Variants in KCNJ2 observed in about 807,000 individuals in gnomAD.
KCNJ2 encodes potassium inwardly rectifying channel subfamily J member 2, also known as inward rectifier potassium channel 2.
In KCNJ2, 12 loss-of-function variants were observed where a neutral mutation model predicts 28.4. The ratio of observed to expected loss-of-function variants is 0.42; its 90% confidence interval spans 0.27 to 0.68. The LOEUF is 0.68. Ranked by LOEUF, KCNJ2 falls within the 30% of genes least tolerant of loss-of-function variation. The probability of loss-of-function intolerance (pLI) is 0.23; values close to 1 mark genes in which losing one functional copy is unlikely to be tolerated. For synonymous variants in KCNJ2, 200 were observed against 203.2 expected (o/e 0.98, Z 0.13); for missense variants, 320 against 551.3 (o/e 0.58, Z 4.20).
chr17:70,170,670 A>G (rs1384833481), intron 1 of KCNJ2, among the ~76,000 whole-genome samples: 1 of 152,242 alleles, frequency 6.6e-6, no homozygotes, highest in Non-Finnish European at 1.5e-5. Context: ...AATAATCAAT[A>G]GGCTGCCAGA....
Position 70,176,811 on chromosome 17 carries a change from C to T in KCNJ2, c.*488C>T, listed in dbSNP as rs767328971. 4.4e-5 allele frequency: 8 copies of T among 183,224 alleles called. No individual in the cohort carries two copies. The highest frequency in any genetic ancestry group is 6.5e-5 in the Non-Finnish European group (5 of 77,146). The allele number at this position is 183,224 out of a possible 1,614,324, so 11.3% of individuals were successfully genotyped here. A position where few individuals can be genotyped will look rare whatever the true frequency, so the allele number is the denominator to read the frequency against. On this transcript the variant is annotated 3_prime_UTR_variant, in exon 2 of 2. Coordinates refer to ENST00000243457, the MANE Select transcript of KCNJ2 (RefSeq NM_000891.3). Reference sequence around the variant, plus strand: ...TGAATTTTATTGAAAGCTCATGATGCGCTTCAAAGTGGCAAGTATTTGGCT... The same window carrying T: ...TGAATTTTATTGAAAGCTCATGATGTGCTTCAAAGTGGCAAGTATTTGGCT...
rs35656864 is a variant in KCNJ2 at position 70,179,064 on chromosome 17, ATTTTTTTTTTTTTTTTTTT to A, written c.*2757_*2775del. On this transcript the variant is annotated 3_prime_UTR_variant, in exon 2 of 2. Coordinates refer to ENST00000243457, the MANE Select transcript of KCNJ2 (RefSeq NM_000891.3). ...TAACAGTTACAAGCTTTAAATGGCA[ATTTTTTTTTTTTTTTTTTT>A]TTTTTTTTTTTTTTTGTCAAGAGCC... 3.3e-4 allele frequency: 22 copies of A among 67,288 alleles called. No individual in the cohort carries two copies. The highest frequency in any genetic ancestry group is 1.2e-3 in the Admixed American group (4 of 3,438). 4.2% of individuals were successfully genotyped at this position (67,288 alleles called of 1,614,324 possible). A position where few individuals can be genotyped will look rare whatever the true frequency, so the allele number is the denominator to read the frequency against.
chr17:70,176,027 C>T lies in KCNJ2; in HGVS notation c.988C>T (p.Leu330Phe), dbSNP rs768884407. The change falls in exon 2 of 2, where the codon CTC becomes TTC. Residue 330 changes from leucine to phenylalanine, a missense_variant. Physicochemically the swap from Leu to Phe is conservative, Grantham distance 22 (BLOSUM62 0). Transcript: ENST00000243457. ...ILWGHRYEPVLFEEKHYYKVD... is the reference protein window; with the variant it reads ...ILWGHRYEPVFFEEKHYYKVD... ...GTGGGGCCACCGCTATGAGCCTGTG[C>T]TCTTTGAAGAGAAGCACTACTACAA... The T allele has an allele frequency of 6.2e-7, 1 of 1,614,126 alleles. No homozygotes were observed. The highest frequency in any genetic ancestry group is 8.5e-7 in the Non-Finnish European group (1 of 1,180,014).
Position 70,177,574 on chromosome 17 carries a change from C to G in KCNJ2, c.*1251C>G, listed in dbSNP as rs9894661. On this transcript the variant is annotated 3_prime_UTR_variant, in exon 2 of 2. Transcript: ENST00000243457. ...CCCACCTTCACCTTAGGGAAGATGC[C>G]ACACCTGGCCTCCACACTTGCTCTT... 6.0e-6 allele frequency: 1 copy of G among 167,248 alleles called. No homozygotes were observed. Among genetic ancestry groups the G allele is most frequent in the African/African-American group, 2.4e-5 (1 of 41,542 alleles). The allele number at this position is 167,248 out of a possible 1,614,324, so 10.4% of individuals were successfully genotyped here.
At chr17:70,173,710 C>T (rs754722914) in intron 1 of KCNJ2, among the ~76,000 whole-genome samples, 1 of 152,136 alleles carries the variant, frequency 6.6e-6, no homozygotes, top group African/African-American at 2.4e-5. Context: ...CAAATAACAG[C>T]GCTGGAAGTG....
rs983737381 is a variant in KCNJ2 at position 70,177,039 on chromosome 17, C to A, written c.*716C>A. On this transcript the variant is annotated 3_prime_UTR_variant, in exon 2 of 2. Coordinates refer to ENST00000243457, the MANE Select transcript of KCNJ2 (RefSeq NM_000891.3). ...TAAGTTAAACTACCTAAAATAAATA[C>A]CAAAGATAATGCATATTTTTGCACA... 6.0e-6 allele frequency: 1 copy of A among 167,108 alleles called. No homozygotes were observed. Among genetic ancestry groups the A allele is most frequent in the Non-Finnish European group, 1.5e-5 (1 of 68,272 alleles). The allele number at this position is 167,108 out of a possible 1,614,324, so 10.4% of individuals were successfully genotyped here.
At position 70,174,912 on chromosome 17, in the gene KCNJ2, C is replaced by T. The variant is rs1356093350; in HGVS notation, c.-128C>T. 6 of 877,492 alleles carry T rather than the reference C, an allele frequency of 6.8e-6. No homozygotes were observed. The highest frequency in any genetic ancestry group is 1.1e-5 in the Non-Finnish European group (6 of 541,382). 54.4% of individuals were successfully genotyped at this position (877,492 alleles called of 1,614,324 possible). A position where few individuals can be genotyped will look rare whatever the true frequency, so the allele number is the denominator to read the frequency against. On this transcript the variant is annotated 5_prime_UTR_variant, in exon 2 of 2. Coordinates refer to ENST00000243457, the MANE Select transcript of KCNJ2 (RefSeq NM_000891.3). Reference sequence around the variant, plus strand: ...GGTAGAACCACAAGGCTCCCAGAGACACCCATCTCTCCTCATTTTTTTGGT... The same window carrying T: ...GGTAGAACCACAAGGCTCCCAGAGATACCCATCTCTCCTCATTTTTTTGGT...
Position 70,175,053 on chromosome 17 carries a change from G to A in KCNJ2, c.14G>A (p.Arg5Gln), listed in dbSNP as rs764311511. ...CCAGCAGAAGCGATGGGCAGTGTGC[G>A]AACCAACCGCTACAGCATCGTCTCT... MGSV[R>Q]TNRYSIVSSE... Residue 5 changes from arginine to glutamine, a missense_variant, in exon 2 of 2, where the codon CGA becomes CAA. Arg to Gln is a conservative substitution (Grantham distance 43). Coordinates refer to ENST00000243457, the MANE Select transcript of KCNJ2 (RefSeq NM_000891.3). This position sits in a 1 kb window ranked among gnomAD's most constrained non-coding sequence, Gnocchi z 8.3. 2 of 1,614,072 alleles carry A rather than the reference G, an allele frequency of 1.2e-6. No homozygotes were observed. Among genetic ancestry groups the A allele is most frequent in the Non-Finnish European group, 1.7e-6 (2 of 1,180,000 alleles).
intron 1 of KCNJ2, among the ~76,000 whole-genome samples, chr17:70,170,226 CAAAG>C (rs2074357973): frequency 6.6e-6 from 1 of 151,224 alleles, no homozygotes; most frequent in Non-Finnish European, 1.5e-5. Flanking sequence ...GTGAGTGTCT[CAAAG>C]TTGCCTTCCT....
chr17:70,179,776 G>GA lies in KCNJ2; in HGVS notation c.*3463dup, dbSNP rs3841509. 74 of 161,886 alleles carry GA rather than the reference G, an allele frequency of 4.6e-4. No homozygotes were observed. The highest frequency in any genetic ancestry group is 7.4e-4 in the Admixed American group (11 of 14,888). The allele number at this position is 161,886 out of a possible 1,614,324, so 10.0% of individuals were successfully genotyped here. A position where few individuals can be genotyped will look rare whatever the true frequency, so the allele number is the denominator to read the frequency against. ...TCTGTGTCTAATAATGTTAAGGTGG[G>GA]AAAAAAAAAAGTGTGGCATAGCTAC... On this transcript the variant is annotated 3_prime_UTR_variant, in exon 2 of 2. Transcript: ENST00000243457.
rs1320510274 is a variant in KCNJ2, at chr17:70,176,064, C to G, written c.1025C>G (p.Ser342Cys). 1.9e-6 allele frequency: 3 copies of G among 1,613,998 alleles called. No individual in the cohort carries two copies. The highest frequency in any genetic ancestry group is 2.5e-6 in the Non-Finnish European group (3 of 1,180,030). Residue 342 changes from serine to cysteine, a missense_variant, in exon 2 of 2, where the codon TCC becomes TGC. Physicochemically the swap from Ser to Cys is moderately radical, Grantham distance 112. Coordinates refer to ENST00000243457, the MANE Select transcript of KCNJ2 (RefSeq NM_000891.3). Reference protein sequence around the residue: ...EEKHYYKVDYSRFHKTYEVPN... With the variant: ...EEKHYYKVDYCRFHKTYEVPN... Reference sequence around the variant, plus strand: ...AAGCACTACTACAAAGTGGACTATTCCAGGTTCCACAAAACTTACGAAGTC... The same window carrying G: ...AAGCACTACTACAAAGTGGACTATTGCAGGTTCCACAAAACTTACGAAGTC...
intron 1 of KCNJ2, among the ~76,000 whole-genome samples, chr17:70,171,949 T>C (rs937848991): frequency 2.6e-5 from 4 of 152,174 alleles, no homozygotes; most frequent in Non-Finnish European, 5.9e-5. Context: ...CTACTCCTCA[T>C]TGATTGCATC....
chr17:70,176,334 C>A lies in KCNJ2; in HGVS notation c.*11C>A. ...GAGTCGGAGATATGACTGACTGATT[C>A]CTTCTCTGGAATAGTTACTTTACAA... On this transcript the variant is annotated 3_prime_UTR_variant, in exon 2 of 2. Transcript: ENST00000243457. 2 of 1,611,582 alleles carry A rather than the reference C, an allele frequency of 1.2e-6. No homozygotes were observed. The highest frequency in any genetic ancestry group is 1.1e-5 in the South Asian group (1 of 91,032).
In KCNJ2 at chr17:70,175,653, A is replaced by G. The variant is rs1378737445; in HGVS notation, c.614A>G (p.Asp205Gly). The G allele has an allele frequency of 6.2e-7, 1 of 1,614,056 alleles. No homozygotes were observed. Among genetic ancestry groups the G allele is most frequent in the Non-Finnish European group, 8.5e-7 (1 of 1,180,030 alleles). Residue 205 changes from aspartate to glycine, a missense_variant, in exon 2 of 2, where the codon GAC becomes GGC. Around this residue, in one of 3 missense-constraint regions of KCNJ2, gnomAD observed 111 missense variants for 256.7 expected, o/e 0.43. Coordinates refer to ENST00000243457, the MANE Select transcript of KCNJ2 (RefSeq NM_000891.3). The surrounding 1 kb of genome is among the most constrained non-coding windows in gnomAD (Gnocchi z 8.3). Reference protein sequence around the residue: ...FSHNAVIAMRDGKLCLMWRVG... With the variant: ...FSHNAVIAMRGGKLCLMWRVG... Reference sequence around the variant, plus strand: ...CACAATGCCGTGATTGCCATGAGAGACGGCAAGCTGTGTTTGATGTGGCGA... The same window carrying G: ...CACAATGCCGTGATTGCCATGAGAGGCGGCAAGCTGTGTTTGATGTGGCGA...
rs975038410 is a variant in KCNJ2, at chr17:70,178,299, A to T, written c.*1976A>T. The T allele has an allele frequency of 1.8e-5, 3 of 167,010 alleles. No homozygotes were observed. Among genetic ancestry groups the T allele is most frequent in the African/African-American group, 7.2e-5 (3 of 41,404 alleles). 10.3% of individuals were successfully genotyped at this position (167,010 alleles called of 1,614,324 possible). On this transcript the variant is annotated 3_prime_UTR_variant, in exon 2 of 2. Transcript: ENST00000243457. ...TCAGATTTGATGGCTTGGGAAACTG[A>T]GGTGTTATTTTCAATGAAACAAAGA...
intron 1 of KCNJ2, among the ~76,000 whole-genome samples, chr17:70,173,343 G>A (rs1235086235): frequency 6.6e-6 from 1 of 152,164 alleles, no homozygotes; most frequent in African/African-American, 2.4e-5. Context: ...GAAGGAAAAA[G>A]TGGAGTCTTC....
intron 1 of KCNJ2, among the ~76,000 whole-genome samples, chr17:70,173,827 G>A (rs1410877905): frequency 6.6e-6 from 1 of 152,112 alleles, no homozygotes; most frequent in Admixed American, 6.5e-5. Context: ...ATCTCAATCC[G>A]CTAAAGACCT....
chr17:70,174,427 T>G (rs1293424078), intron 1 of KCNJ2, among the ~76,000 whole-genome samples: 1 of 152,194 alleles, frequency 6.6e-6, no homozygotes, highest in African/African-American at 2.4e-5. Context: ...TCCAAAAATT[T>G]TACGACAAAC....
At chr17:70,174,771 G>T in intron 1 of KCNJ2, 53 bp from the exon 2 acceptor site, 1 of 529,780 alleles carries the variant, frequency 1.9e-6, no homozygotes, top group Non-Finnish European at 3.4e-6. Context: ...TTAGACAGTA[G>T]AATTCTTTAA....
Sources: gnomAD v4.1 joint callset for allele counts (sites outside exome capture counted in the v4.1 genomes callset) on GRCh38, gnomAD v4.1.1 for gene constraint, gnomAD v4.1.1 regional missense constraint, Gnocchi (gnomAD v3.1) non-coding constraint, MANE v1.5 for transcripts, NCBI Gene and HGNC (gene_info 2026-07-23, HGNC 2026-07-21) for gene names.